The following KCND2 variants were observed in gnomAD, a reference collection of about 807,000 sequenced individuals.
KCND2 encodes potassium voltage-gated channel subfamily D member 2, also known as A-type voltage-gated potassium channel KCND2.
A neutral mutation model predicts 54.4 loss-of-function variants in KCND2; 16 were observed. The ratio of observed to expected loss-of-function variants is 0.29; its 90% CI spans 0.20 to 0.45. The LOEUF is 0.45. Among genes scored for constraint, KCND2 ranks in the 20% least tolerant of loss-of-function variants. The probability of loss-of-function intolerance (pLI) is 1.00; values close to 1 mark genes in which losing one functional copy is unlikely to be tolerated. For synonymous variants in KCND2, 317 were observed against 310.7 expected (o/e 1.02, Z -0.21); for missense variants, 486 against 824.2 (o/e 0.59, Z 5.02).
chr7:120,739,937 T>C (rs1008768567), intron 2 of KCND2, among the ~76,000 whole-genome samples: 3 of 152,020 alleles, frequency 2.0e-5, no homozygotes, highest in African/African-American at 7.2e-5. Context: ...TTGCCAAAGA[T>C]GCTTTAAAAA....
At chr7:120,490,391 T>C (rs1464527120) in intron 1 of KCND2, among the ~76,000 whole-genome samples, 1 of 152,198 alleles carries the variant, frequency 6.6e-6, no homozygotes, top group Non-Finnish European at 1.5e-5. Context: ...AGACCAACTC[T>C]GAGAACTTAT....
intron 1 of KCND2, among the ~76,000 whole-genome samples, chr7:120,404,321 T>C (rs550667224): frequency 6.6e-6 from 1 of 152,174 alleles, no homozygotes; most frequent in Non-Finnish European, 1.5e-5. Context: ...GTTTCATTAG[T>C]ACATGTCATT....
In KCND2 at chr7:120,621,276, CAAAAAAAAAAAAAAA is replaced by C. The variant is rs1175736454; in HGVS notation, c.1116-111613_1116-111599del. 1.5e-4 allele frequency among the ~76,000 whole-genome samples: 7 copies of C among 47,204 alleles called. No homozygotes were observed. In the East Asian group the frequency reaches 2.5e-3, roughly 17 times the overall value. The allele number at this position is 47,204 out of a possible 152,430, so 31.0% of individuals were successfully genotyped here. ...TGGGCGACAGAGCAAGACTCCGTCTCAAAAAAAAAAAAAAAAAAAAAAAAAAAAGAACCATATGGT... is the reference window on the plus strand; with the variant it reads ...TGGGCGACAGAGCAAGACTCCGTCTCAAAAAAAAAAAAAGAACCATATGGT... On this transcript the variant is annotated intron_variant, in intron 1 of 5. Coordinates refer to ENST00000331113, the MANE Select transcript of KCND2 (RefSeq NM_012281.3).
At chr7:120,601,904 A>C (rs1256019720) in intron 1 of KCND2, among the ~76,000 whole-genome samples, 2 of 152,230 alleles carry the variant, frequency 1.3e-5, no homozygotes, top group Non-Finnish European at 2.9e-5. Context: ...TGTGAGGCCA[A>C]TATAGAATTC....
At chr7:120,737,035 T>TACACACAC (rs768582158) in intron 2 of KCND2, among the ~76,000 whole-genome samples, 101 of 98,766 alleles carry the variant, frequency 1.0e-3, no homozygotes, top group Middle Eastern at 5.3e-3. Flanking sequence ...CTGGAAAGCT[T>TACACACAC]ACACACACAC....
intron 1 of KCND2, among the ~76,000 whole-genome samples, chr7:120,459,076 A>G (rs1802243029): frequency 6.6e-6 from 1 of 152,068 alleles, no homozygotes; most frequent in Non-Finnish European, 1.5e-5. Flanking sequence ...AAATGCATAT[A>G]CCTCAGAACC....
intron 1 of KCND2, among the ~76,000 whole-genome samples, chr7:120,704,185 T>C (rs544229853): frequency 6.6e-6 from 1 of 152,188 alleles, no homozygotes; most frequent in Non-Finnish European, 1.5e-5. Flanking sequence ...ATAACCTCTA[T>C]CTGTTTATTT....
intron 1 of KCND2, among the ~76,000 whole-genome samples, chr7:120,429,020 G>A (rs1478467084): frequency 6.6e-6 from 1 of 152,146 alleles, no homozygotes; most frequent in Non-Finnish European, 1.5e-5. Context: ...TTGTCAAGAA[G>A]TTGGGAAGAA....
chr7:120,421,395 C>A (rs1046948970), intron 1 of KCND2, among the ~76,000 whole-genome samples: 5 of 152,346 alleles, frequency 3.3e-5, no homozygotes, highest in African/African-American at 9.6e-5. Context: ...CAGGACACTT[C>A]TGCATTTTCA....
At chr7:120,348,526 A>G (rs1800357232) in intron 1 of KCND2, among the ~76,000 whole-genome samples, 1 of 152,206 alleles carries the variant, frequency 6.6e-6, no homozygotes, top group South Asian at 2.1e-4. Flanking sequence ...TAAGACAGGA[A>G]CACTAACTAC....
chr7:120,420,883 A>G (rs964823277), intron 1 of KCND2, among the ~76,000 whole-genome samples: 1 of 152,212 alleles, frequency 6.6e-6, no homozygotes, highest in Non-Finnish European at 1.5e-5. Context: ...GACATACATA[A>G]AATCATGAGC....
intron 1 of KCND2, among the ~76,000 whole-genome samples, chr7:120,635,907 A>G (rs17142876): frequency 0.13 from 19,309 of 152,162 alleles, 1,717 homozygotes; most frequent in East Asian, 0.46. Flanking sequence ...CATTTAAAAC[A>G]ATGGAATAGG....
chr7:120,561,958 C>G (rs967424319), intron 1 of KCND2, among the ~76,000 whole-genome samples: 3 of 152,156 alleles, frequency 2.0e-5, no homozygotes, highest in African/African-American at 7.2e-5. Context: ...AGAGTCTAAG[C>G]AGATAACAGT....
intron 1 of KCND2, among the ~76,000 whole-genome samples, chr7:120,579,696 CT>C (rs1245999735): frequency 1.6e-4 from 24 of 150,644 alleles, no homozygotes; most frequent in East Asian, 3.9e-4. Context: ...CCCACTGTTT[CT>C]TTTTTTTAAA....
chr7:120,432,544 A>T (rs938643294), intron 1 of KCND2, among the ~76,000 whole-genome samples: 8 of 152,178 alleles, frequency 5.3e-5, no homozygotes, highest in African/African-American at 1.9e-4. Context: ...TCTGAACGTA[A>T]CTTAAAAATA....
chr7:120,371,950 C>T (rs935371389), intron 1 of KCND2, among the ~76,000 whole-genome samples: 1 of 151,846 alleles, frequency 6.6e-6, no homozygotes, highest in African/African-American at 2.4e-5. Flanking sequence ...AACATATAAC[C>T]GTGTATACCA....
intron 1 of KCND2, among the ~76,000 whole-genome samples, chr7:120,351,400 ACACACACACACACT>A (rs1387093210): frequency 5.6e-5 from 8 of 141,960 alleles, no homozygotes; most frequent in Admixed American, 1.4e-4. Context: ...ACACACACAC[ACACACACACACACT>A]CTCTCTCTCT....
intron 1 of KCND2, among the ~76,000 whole-genome samples, chr7:120,466,544 G>T (rs1802372366): frequency 6.6e-6 from 1 of 151,908 alleles, no homozygotes. Context: ...GCCTTCTCGA[G>T]ATCATTCCTT....
chr7:120,528,889 A>G (rs1189007313), intron 1 of KCND2, among the ~76,000 whole-genome samples: 2 of 152,222 alleles, frequency 1.3e-5, no homozygotes, highest in African/African-American at 4.8e-5. Context: ...CAAATTGACA[A>G]TCATGTTTAT....
Sources: gnomAD v4.1 joint callset for allele counts (sites outside exome capture counted in the v4.1 genomes callset) on GRCh38, gnomAD v4.1.1 for gene constraint, MANE v1.5 for transcripts, NCBI Gene and HGNC (gene_info 2026-07-23, HGNC 2026-07-21) for gene names.